Variants in LIMS1 observed in about 807,000 individuals in gnomAD.
LIMS1 encodes LIM and senescent cell antigen-like-containing domain protein 1.
In LIMS1, 18 loss-of-function variants were observed where a neutral mutation model predicts 44.1. The ratio of observed to expected loss-of-function variants is 0.41; its 90% CI spans 0.28 to 0.61. The LOEUF (loss-of-function observed/expected upper bound fraction) is 0.61. Among genes scored for constraint, LIMS1 ranks in the 20% least tolerant of loss-of-function variants. The pLI is 0.32. For missense variants in LIMS1, 201 were observed against 422.0 expected (o/e 0.48, Z 4.59); for synonymous variants, 93 against 149.1 (o/e 0.62, Z 2.74).
intron 1 of LIMS1, among the ~76,000 whole-genome samples, chr2:108,601,172 C>T (rs931282790): frequency 4.6e-5 from 7 of 151,998 alleles, no homozygotes; most frequent in Admixed American, 3.9e-4. Flanking sequence ...CTTTATCCCA[C>T]GTAAATGGCA....
At chr2:108,565,069 G>C (rs925144560) in intron 1 of LIMS1, among the ~76,000 whole-genome samples, 1 of 152,204 alleles carries the variant, frequency 6.6e-6, no homozygotes, top group Non-Finnish European at 1.5e-5. Context: ...TGTCAAAACT[G>C]AGAACTGCTC....
chr2:108,635,089 C>T (rs1370599419), intron 1 of LIMS1, among the ~76,000 whole-genome samples: 1 of 152,052 alleles, frequency 6.6e-6, no homozygotes, highest in Non-Finnish European at 1.5e-5. Flanking sequence ...ATCTTCTGGC[C>T]CTGACTTGAA....
At chr2:108,597,269 C>T (rs1302312350) in intron 1 of LIMS1, among the ~76,000 whole-genome samples, 6 of 151,902 alleles carry the variant, frequency 3.9e-5, no homozygotes, top group Admixed American at 6.6e-5. Context: ...CAACACTTAA[C>T]GACATTCATA....
Position 108,667,741 on chromosome 2 carries a change from C to T in LIMS1, c.193-3040C>T, listed in dbSNP as rs372485475. Among the ~76,000 whole-genome samples, 549 of 151,838 alleles carry T rather than the reference C, an allele frequency of 3.6e-3. 1 individual carries two copies. Among genetic ancestry groups the T allele is most frequent in the Non-Finnish European group, 5.8e-3 (396 of 67,904 alleles). On this transcript the variant is annotated intron_variant, in intron 2 of 9. Coordinates refer to ENST00000544547, the Ensembl canonical transcript of LIMS1. ...CAGGACACCCCCTCCACCCCACTCC[C>T]ACCTCACCCTCAGAGCTTACCAAAA...
At chr2:108,648,641 A>G (rs907093420) in intron 1 of LIMS1, among the ~76,000 whole-genome samples, 14 of 152,208 alleles carry the variant, frequency 9.2e-5, no homozygotes, top group African/African-American at 3.1e-4. Flanking sequence ...AGATATATAA[A>G]CCAATGGAAC....
chr2:108,626,445 T>A (rs193281657), intron 1 of LIMS1, among the ~76,000 whole-genome samples: 136 of 152,328 alleles, frequency 8.9e-4, no homozygotes, highest in African/African-American at 3.2e-3. Context: ...AAGTTCATAG[T>A]GCTTACTCCT....
At chr2:108,604,812 T>C (rs773014112) in intron 1 of LIMS1, among the ~76,000 whole-genome samples, 1 of 152,204 alleles carries the variant, frequency 6.6e-6, no homozygotes, top group Non-Finnish European at 1.5e-5. Flanking sequence ...GCATCTCAAC[T>C]GTACAGAGCA....
intron 1 of LIMS1, among the ~76,000 whole-genome samples, chr2:108,639,692 T>A (rs572495391): frequency 6.6e-6 from 1 of 152,116 alleles, no homozygotes; most frequent in Admixed American, 6.5e-5. Flanking sequence ...ACCTCATGAT[T>A]CACCCACTTT....
intron 2 of LIMS1, among the ~76,000 whole-genome samples, chr2:108,664,726 A>C (rs1205576029): frequency 2.0e-5 from 3 of 152,030 alleles, no homozygotes; most frequent in Non-Finnish European, 4.4e-5. Context: ...ATTTCTACAC[A>C]CTGTAGAAAA....
At chr2:108,645,608 G>A (rs900272196) in intron 1 of LIMS1, among the ~76,000 whole-genome samples, 1 of 152,082 alleles carries the variant, frequency 6.6e-6, no homozygotes, top group Admixed American at 6.5e-5. Flanking sequence ...ATAACAGCTA[G>A]CATCATATTG....
At chr2:108,587,933 T>C (rs761974315) in intron 1 of LIMS1, among the ~76,000 whole-genome samples, 3 of 152,198 alleles carry the variant, frequency 2.0e-5, no homozygotes, top group Non-Finnish European at 4.4e-5. Flanking sequence ...AGATGTAGTG[T>C]AGAGTAGCTG....
At chr2:108,659,663 C>G in exon 2 of LIMS1, 1 of 1,612,310 alleles carries the variant, frequency 6.2e-7, no homozygotes, top group Non-Finnish European at 8.5e-7. Context: ...CGGCTTTGCG[C>G]CCGCTGAGAA....
At chr2:108,568,110 A>G (rs1332881966) in intron 1 of LIMS1, among the ~76,000 whole-genome samples, 1 of 152,160 alleles carries the variant, frequency 6.6e-6, no homozygotes, top group East Asian at 1.9e-4. Context: ...GTTTGGTGAT[A>G]TTTTTGTGAC....
intron 1 of LIMS1, among the ~76,000 whole-genome samples, chr2:108,627,260 ATATCCT>A (rs1688630181): frequency 6.6e-6 from 1 of 152,216 alleles, no homozygotes; most frequent in Non-Finnish European, 1.5e-5. Context: ...TTCTCAGATC[ATATCCT>A]TGTCATTAAG....
chr2:108,595,807 C>T (rs1686652341), intron 1 of LIMS1, among the ~76,000 whole-genome samples: 1 of 151,978 alleles, frequency 6.6e-6, no homozygotes, highest in Non-Finnish European at 1.5e-5. Flanking sequence ...TTTGGAGCCT[C>T]TTTTTTTTAT....
chr2:108,589,649 A>T (rs72833162), intron 1 of LIMS1, among the ~76,000 whole-genome samples: 8,224 of 152,062 alleles, frequency 0.054, 381 homozygotes, highest in Non-Finnish European at 0.075. Flanking sequence ...ATTGCTGTAA[A>T]CTTCCCTGTT....
intron 1 of LIMS1, among the ~76,000 whole-genome samples, chr2:108,635,833 C>T (rs988098620): frequency 6.6e-6 from 1 of 152,136 alleles, no homozygotes; most frequent in African/African-American, 2.4e-5. Context: ...TTGTTTAAAT[C>T]GTCTGTTCCT....
intron 1 of LIMS1, among the ~76,000 whole-genome samples, chr2:108,615,464 G>T (rs148962667): frequency 8.9e-4 from 136 of 152,186 alleles, no homozygotes; most frequent in African/African-American, 3.0e-3. Context: ...TGGGTCGGGT[G>T]GGGGGTATGG....
At chr2:108,538,689 T>C (rs1437059457) in intron 1 of LIMS1, among the ~76,000 whole-genome samples, 3 of 152,230 alleles carry the variant, frequency 2.0e-5, no homozygotes, top group African/African-American at 7.2e-5. Context: ...TTGCTTTTTT[T>C]AGTATTAAAA....
Sources: allele counts gnomAD v4.1 joint callset (sites outside exome capture counted in the v4.1 genomes callset), GRCh38; gene constraint gnomAD v4.1.1; transcripts MANE v1.5; gene names NCBI Gene and HGNC (gene_info 2026-07-23, HGNC 2026-07-21).